The following PAPPA variants were observed in gnomAD, a reference collection of about 807,000 sequenced individuals.
PAPPA encodes pappalysin-1.
A neutral mutation model predicts 164.0 loss-of-function variants in PAPPA; 60 were observed. The ratio of observed to expected loss-of-function variants is 0.37; its 90% CI spans 0.30 to 0.45. The LOEUF is 0.45. Ranked by LOEUF, PAPPA falls within the 20% of genes least tolerant of loss-of-function variation. The pLI is 1.00. For synonymous variants in PAPPA, 875 were observed against 814.1 expected, an observed-to-expected ratio of 1.07 and a Z score of -1.27; for missense variants, 1,782 against 2,087.3, an observed-to-expected ratio of 0.85 and a Z score of 2.85.
intron 9 of PAPPA, among the ~76,000 whole-genome samples, chr9:116,281,842 C>A (rs557310844): frequency 2.0e-4 from 31 of 152,170 alleles, no homozygotes; most frequent in Non-Finnish European, 4.1e-4. Flanking sequence ...CCTCACACCC[C>A]ACTTAACCAT....
chr9:116,318,749 TCAA>T (rs1228027935), intron 10 of PAPPA: 2 of 152,100 alleles, frequency 1.3e-5, no homozygotes, highest in Non-Finnish European at 2.9e-5. Flanking sequence ...TCCTCCCTTT[TCAA>T]CAACAATAAT....
rs1845135004 is a variant in PAPPA, at chr9:116,271,443, T to C, written c.2953+27T>C. On this transcript the variant is annotated intron_variant, in intron 9 of 21. Coordinates refer to ENST00000328252, the MANE Select transcript of PAPPA (RefSeq NM_002581.5). This position sits in a 1 kb window ranked among gnomAD's most constrained non-coding sequence, Gnocchi z 4.2. ...TACGTCTTTTTCATTTCTTGTGGCC[T>C]TCATGAAGAAATGAACGGTGCAGAA... 6.0e-6 allele frequency: 9 copies of C among 1,502,726 alleles called. No homozygotes were observed. Among genetic ancestry groups the C allele is most frequent in the Non-Finnish European group, 8.3e-6 (9 of 1,078,204 alleles). 93.1% of individuals were successfully genotyped at this position (1,502,726 alleles called of 1,614,324 possible). A position where few individuals can be genotyped will look rare whatever the true frequency, so the allele number is the denominator to read the frequency against.
At chr9:116,326,029 A>T (rs889696286) in intron 10 of PAPPA, among the ~76,000 whole-genome samples, 11 of 152,200 alleles carry the variant, frequency 7.2e-5, no homozygotes, top group Non-Finnish European at 1.3e-4. Context: ...TAGAAGAAAC[A>T]GTAGGAGAAA....
At chr9:116,363,770 C>T (rs1183692306) in intron 18 of PAPPA, among the ~76,000 whole-genome samples, 1 of 152,186 alleles carries the variant, frequency 6.6e-6, no homozygotes, top group Non-Finnish European at 1.5e-5. Flanking sequence ...GTTATCACTG[C>T]ATGTCCAGAA....
chr9:116,373,892 A>G (rs12339056), intron 19 of PAPPA, among the ~76,000 whole-genome samples: 27,563 of 152,070 alleles, frequency 0.18, 2,944 homozygotes, highest in Non-Finnish European at 0.24. Flanking sequence ...TGTGTAAACC[A>G]GAGTCAAAAA....
intron 1 of PAPPA, among the ~76,000 whole-genome samples, chr9:116,163,923 G>A (rs1170382555): frequency 6.6e-6 from 1 of 152,070 alleles, no homozygotes; most frequent in African/African-American, 2.4e-5. Flanking sequence ...CATTATTTGG[G>A]GAATATTGGT....
intron 21 of PAPPA, among the ~76,000 whole-genome samples, chr9:116,384,918 T>C (rs1386990403): frequency 6.6e-6 from 1 of 152,224 alleles, no homozygotes; most frequent in East Asian, 1.9e-4. Flanking sequence ...ATAATGTTCC[T>C]ATCTATTGTA....
rs1469959747 is a variant in PAPPA, at chr9:116,321,597, C to T, written c.3148-9647C>T. Reference sequence around the variant, plus strand: ...TGAGAGAATGGTAGCACTGATGTCACGTGGGAATGAGTCCTGGTTCTCCTG... The same window carrying T: ...TGAGAGAATGGTAGCACTGATGTCATGTGGGAATGAGTCCTGGTTCTCCTG... On this transcript the variant is annotated intron_variant, in intron 10 of 21. Transcript: ENST00000328252. Among the ~76,000 whole-genome samples the T allele has an allele frequency of 2.6e-5, 4 of 152,254 alleles. No individual in the cohort carries two copies. In the South Asian group the frequency reaches 6.2e-4, roughly 24 times the overall value.
chr9:116,288,236 G>A (rs750944935), intron 9 of PAPPA, among the ~76,000 whole-genome samples: 16 of 152,212 alleles, frequency 1.1e-4, no homozygotes, highest in Admixed American at 3.3e-4. Context: ...GAGTGTAGTG[G>A]TCCGTGCCTG....
rs574441870 is a variant in PAPPA at position 116,319,313 on chromosome 9, G to T, written c.3148-11931G>T. 5.9e-5 allele frequency among the ~76,000 whole-genome samples: 9 copies of T among 152,322 alleles called. No individual in the cohort carries two copies. In the East Asian group the frequency reaches 1.4e-3, roughly 23 times the overall value. Reference sequence around the variant, plus strand: ...GTTAGAGGATTTACTAGCTGGAGGAGCTCAAGCCCCCTGCCCATCTCCTCC... The same window carrying T: ...GTTAGAGGATTTACTAGCTGGAGGATCTCAAGCCCCCTGCCCATCTCCTCC... On this transcript the variant is annotated intron_variant, in intron 10 of 21. Transcript: ENST00000328252.
intron 9 of PAPPA, among the ~76,000 whole-genome samples, chr9:116,298,231 A>G (rs1476445066): frequency 6.6e-6 from 1 of 152,228 alleles, no homozygotes; most frequent in African/African-American, 2.4e-5. Flanking sequence ...AGATAAATGA[A>G]AATAAGTCAG....
Position 116,211,696 on chromosome 9 carries a change from T to C in PAPPA, c.1682T>C (p.Ile561Thr). ...YGMPGHTHTMIHEIGHSLGLY... is the reference protein window; with the variant it reads ...YGMPGHTHTMTHEIGHSLGLY... The stretch of plus-strand genomic sequence containing the variant: ...ATGCCTGGGCACACCCACACCATGA[T>C]CCATGAGATTGGTCACAGCCTGGGC... Residue 561 changes from isoleucine (I) to threonine (T), a missense_variant, in exon 4 of 22, where the codon ATC (isoleucine) becomes ACC (threonine). Ile to Thr is a moderately conservative substitution (Grantham distance 89). Transcript: ENST00000328252. 1 of 1,614,134 alleles carries C rather than the reference T, an allele frequency of 6.2e-7. No homozygotes were observed. The highest frequency in any genetic ancestry group is 8.5e-7 in the Non-Finnish European group (1 of 1,180,004).
At chr9:116,364,946 A>T (rs2118641009) in intron 18 of PAPPA, among the ~76,000 whole-genome samples, 1 of 152,350 alleles carries the variant, frequency 6.6e-6, no homozygotes, top group East Asian at 1.9e-4. Flanking sequence ...TGATGAGTGC[A>T]TAGGGACACT....
chr9:116,230,415 G>A (rs910918284), intron 6 of PAPPA, among the ~76,000 whole-genome samples: 4 of 152,118 alleles, frequency 2.6e-5, no homozygotes, highest in Non-Finnish European at 5.9e-5. Flanking sequence ...AAAAACATGG[G>A]GAATGCAGGG....
intron 17 of PAPPA, among the ~76,000 whole-genome samples, chr9:116,361,005 T>C (rs181178055): frequency 2.6e-4 from 40 of 152,256 alleles, no homozygotes; most frequent in African/African-American, 9.1e-4. Flanking sequence ...TAGGAAACAA[T>C]AGCAGACAGA....
At chr9:116,188,352 G>T in intron 2 of PAPPA, 136 bp downstream of exon 2, 1 of 647,182 alleles carries the variant, frequency 1.5e-6, no homozygotes, top group South Asian at 2.1e-5. Flanking sequence ...ATTGAGGCAA[G>T]TCTTTTACTC....
chr9:116,309,149 C>T (rs184951779), intron 10 of PAPPA, among the ~76,000 whole-genome samples: 82 of 151,920 alleles, frequency 5.4e-4, no homozygotes, highest in Middle Eastern at 3.4e-3. Context: ...AATCTCGGCT[C>T]ACTGCAGCCT....
intron 19 of PAPPA, among the ~76,000 whole-genome samples, chr9:116,374,794 C>G (rs532414585): frequency 6.6e-6 from 1 of 152,324 alleles, no homozygotes; most frequent in African/African-American, 2.4e-5. Flanking sequence ...TGACTGGGAA[C>G]AGACTCTCAT....
chr9:116,155,686 G>A (rs1388930293), intron 1 of PAPPA, among the ~76,000 whole-genome samples: 1 of 152,106 alleles, frequency 6.6e-6, no homozygotes, highest in Non-Finnish European at 1.5e-5. Flanking sequence ...TGAGCTCTCC[G>A]GGCAGTTCTG....
Sources: allele counts gnomAD v4.1 joint callset (sites outside exome capture counted in the v4.1 genomes callset), GRCh38; gene constraint gnomAD v4.1.1; non-coding constraint Gnocchi (gnomAD v3.1); transcripts MANE v1.5; gene names NCBI Gene and HGNC (gene_info 2026-07-23, HGNC 2026-07-21).